The following FBXL17 variants were observed in gnomAD, a reference collection of about 807,000 sequenced individuals.
FBXL17 encodes F-box/LRR-repeat protein 17.
FBXL17 carries 22 observed loss-of-function variants against 66.2 expected under a neutral mutation model. The observed-to-expected ratio is 0.33, with a 90% CI of 0.24 to 0.47. The LOEUF is 0.47. Ranked by LOEUF, FBXL17 falls within the 20% of genes least tolerant of loss-of-function variation. The pLI, the probability that FBXL17 is intolerant of heterozygous loss-of-function variation, is 1.00. For missense variants in FBXL17, 878 were observed against 948.2 expected, an observed-to-expected ratio of 0.93 and a Z score of 0.97; for synonymous variants, 474 against 400.5, an observed-to-expected ratio of 1.18 and a Z score of -2.19.
At chr5:108,232,376 T>C (rs529500366) in intron 4 of FBXL17, among the ~76,000 whole-genome samples, 4 of 152,178 alleles carry the variant, frequency 2.6e-5, no homozygotes, top group African/African-American at 7.2e-5. Flanking sequence ...AGGAGATGTG[T>C]ATGGGTTCAA....
intron 6 of FBXL17, among the ~76,000 whole-genome samples, chr5:108,055,295 AAAAAAAAAAAAAAAAAAAG>A (rs1554060708): frequency 0.27 from 14,419 of 54,384 alleles, 1,673 homozygotes; most frequent in African/African-American, 0.32. Context: ...AAAAAAAAAA[AAAAAAAAAAAAAAAAAAAG>A]AAAAACGCTT....
chr5:107,969,273 C>A (rs1054925723), intron 7 of FBXL17, among the ~76,000 whole-genome samples: 1 of 152,090 alleles, frequency 6.6e-6, no homozygotes, highest in African/African-American at 2.4e-5. Context: ...GTGGACATGG[C>A]ACATTTGACT....
At chr5:108,178,950 T>C (rs1403901589) in intron 6 of FBXL17, among the ~76,000 whole-genome samples, 2 of 152,228 alleles carry the variant, frequency 1.3e-5, no homozygotes, top group Non-Finnish European at 2.9e-5. Context: ...ATTTAATGGA[T>C]AGGTTTGTTC....
intron 4 of FBXL17, among the ~76,000 whole-genome samples, chr5:108,268,628 G>GA (rs150303049): frequency 0.078 from 11,593 of 148,330 alleles, 1,464 homozygotes; most frequent in African/African-American, 0.27. Flanking sequence ...AATTCAAACT[G>GA]AAAAAAAAAT....
intron 4 of FBXL17, among the ~76,000 whole-genome samples, chr5:108,315,994 T>C (rs904839823): frequency 2.0e-5 from 3 of 151,388 alleles, no homozygotes; most frequent in Admixed American, 6.6e-5. Flanking sequence ...GCCCTGCAAA[T>C]GCACATACCT....
chr5:108,214,621 C>T (rs1041869822), intron 5 of FBXL17, among the ~76,000 whole-genome samples: 1 of 152,048 alleles, frequency 6.6e-6, no homozygotes, highest in Non-Finnish European at 1.5e-5. Flanking sequence ...CTGCCCACCT[C>T]GACCTCCCAA....
chr5:108,132,905 C>T (rs915500106), intron 6 of FBXL17, among the ~76,000 whole-genome samples: 1 of 152,120 alleles, frequency 6.6e-6, no homozygotes, highest in African/African-American at 2.4e-5. Context: ...CAGTTTACCT[C>T]TAACCTGGCA....
intron 6 of FBXL17, among the ~76,000 whole-genome samples, chr5:108,078,271 T>C (rs115891068): frequency 0.016 from 2,509 of 152,286 alleles, 65 homozygotes; most frequent in African/African-American, 0.055. Flanking sequence ...AAATTTGCTG[T>C]TTTTTGCTTA....
chr5:108,027,876 T>C (rs1179575058), intron 6 of FBXL17, among the ~76,000 whole-genome samples: 1 of 152,154 alleles, frequency 6.6e-6, no homozygotes, highest in Non-Finnish European at 1.5e-5. Context: ...TTACTTTGAA[T>C]AAGGAAATGC....
chr5:107,907,316 T>G (rs1049992445), intron 7 of FBXL17, among the ~76,000 whole-genome samples: 1 of 152,146 alleles, frequency 6.6e-6, no homozygotes, highest in East Asian at 1.9e-4. Context: ...TCAGTCACAT[T>G]ACTTTATAAG....
chr5:107,976,478 G>C (rs1467132110), intron 7 of FBXL17, among the ~76,000 whole-genome samples: 2 of 152,156 alleles, frequency 1.3e-5, no homozygotes, highest in Admixed American at 6.5e-5. Flanking sequence ...CTCACTCAGA[G>C]ATAAGGAGTC....
At chr5:107,873,357 C>T (rs1748516478) in intron 8 of FBXL17, among the ~76,000 whole-genome samples, 2 of 152,204 alleles carry the variant, frequency 1.3e-5, no homozygotes, top group Admixed American at 1.3e-4. Context: ...TCTGACCTAT[C>T]ACCTATCACA....
chr5:108,175,943 A>T (rs527266734), intron 6 of FBXL17, among the ~76,000 whole-genome samples: 45 of 152,314 alleles, frequency 3.0e-4, no homozygotes, highest in South Asian at 8.3e-4. Context: ...CACCTTTCTC[A>T]TATTTTCACT....
At chr5:108,028,960 T>C (rs1228193643) in intron 6 of FBXL17, among the ~76,000 whole-genome samples, 1 of 152,140 alleles carries the variant, frequency 6.6e-6, no homozygotes, top group African/African-American at 2.4e-5. Flanking sequence ...CCTAATTTGA[T>C]GCCTTTGAAA....
chr5:108,034,031 C>T (rs995654258), intron 6 of FBXL17, among the ~76,000 whole-genome samples: 1 of 151,798 alleles, frequency 6.6e-6, no homozygotes, highest in African/African-American at 2.4e-5. Flanking sequence ...TGTTGTAAAC[C>T]CCATGCAATA....
intron 7 of FBXL17, among the ~76,000 whole-genome samples, chr5:107,909,015 A>G (rs1251922541): frequency 6.6e-6 from 1 of 152,134 alleles, no homozygotes; most frequent in Non-Finnish European, 1.5e-5. Flanking sequence ...CATCTTAACT[A>G]TGATTAACTG....
chr5:108,238,154 C>T (rs1049316742), intron 4 of FBXL17, among the ~76,000 whole-genome samples: 1 of 152,166 alleles, frequency 6.6e-6, no homozygotes. Flanking sequence ...TGTCACATAA[C>T]AGCTAAAAAT....
intron 4 of FBXL17, among the ~76,000 whole-genome samples, chr5:108,255,038 G>C (rs1452648838): frequency 6.6e-6 from 1 of 152,150 alleles, no homozygotes; most frequent in Non-Finnish European, 1.5e-5. Flanking sequence ...ATGGAAAAGA[G>C]CATTAAGTAA....
chr5:108,116,305 G>A (rs528847466), intron 6 of FBXL17, among the ~76,000 whole-genome samples: 2 of 152,118 alleles, frequency 1.3e-5, no homozygotes, highest in East Asian at 3.9e-4. Flanking sequence ...CAATCCATGG[G>A]AGGGTAGTGA....
Sources: allele counts gnomAD v4.1 joint callset (sites outside exome capture counted in the v4.1 genomes callset), GRCh38; gene constraint gnomAD v4.1.1; transcripts MANE v1.5; gene names NCBI Gene and HGNC (gene_info 2026-07-23, HGNC 2026-07-21).